DAB1: variants seen among roughly 807,000 people sequenced by gnomAD.
The protein encoded by DAB1 is DAB adaptor protein 1, also known as disabled homolog 1.
DAB1 carries 15 observed loss-of-function variants against 64.6 expected under a neutral mutation model. That is an observed-to-expected ratio of 0.23 (90% CI 0.16 to 0.36). DAB1 has a LOEUF of 0.36. Ranked by LOEUF, DAB1 falls within the 10% of genes least tolerant of loss-of-function variation. The pLI, the probability that DAB1 is intolerant of heterozygous loss-of-function variation, is 1.00. For synonymous variants in DAB1, 235 were observed against 251.9 expected, an observed-to-expected ratio of 0.93 and a Z score of 0.64; for missense variants, 596 against 706.7, an observed-to-expected ratio of 0.84 and a Z score of 1.78.
At chr1:57,575,569 T>A (rs963727733) in intron 7 of DAB1, among the ~76,000 whole-genome samples, 2 of 152,118 alleles carry the variant, frequency 1.3e-5, no homozygotes, top group African/African-American at 4.8e-5. Flanking sequence ...TTCAGAACAG[T>A]TCAATGAAAA....
At chr1:57,184,371 C>T (rs1663309363) in intron 2 of DAB1, among the ~76,000 whole-genome samples, 1 of 152,124 alleles carries the variant, frequency 6.6e-6, no homozygotes, top group Admixed American at 6.5e-5. Context: ...CGTTCTTGCC[C>T]TTCTCAGATT....
At chr1:58,322,983 C>A (rs11589550) in intron 4 of DAB1, among the ~76,000 whole-genome samples, 5 of 151,412 alleles carry the variant, frequency 3.3e-5, no homozygotes, top group Non-Finnish European at 5.9e-5. Flanking sequence ...AGCAAACTAT[C>A]GCAAGGACAG....
intron 1 of DAB1, among the ~76,000 whole-genome samples, chr1:57,393,018 C>A (rs1462027781): frequency 6.6e-6 from 1 of 152,106 alleles, no homozygotes; most frequent in East Asian, 1.9e-4. Context: ...AATGTGTGAC[C>A]TTTTTCAAAA....
intron 4 of DAB1, among the ~76,000 whole-genome samples, chr1:58,331,373 G>A (rs1662964030): frequency 6.6e-6 from 1 of 152,214 alleles, no homozygotes; most frequent in South Asian, 2.1e-4. Context: ...GAACCCTGTG[G>A]AAATGACAAC....
intron 5 of DAB1, chr1:58,048,405 T>C: frequency 2.1e-6 from 2 of 934,402 alleles, no homozygotes; most frequent in Middle Eastern, 6.3e-4. Flanking sequence ...CTGCCAAAGC[T>C]ACCTCCACCT....
At chr1:57,983,902 C>T (rs1047332625) in intron 5 of DAB1, among the ~76,000 whole-genome samples, 4 of 152,096 alleles carry the variant, frequency 2.6e-5, no homozygotes, top group African/African-American at 9.7e-5. Context: ...GCTTGGCGTA[C>T]ATTTTCCCCA....
chr1:58,450,071 T>G (rs1645115748), intron 3 of DAB1, among the ~76,000 whole-genome samples: 1 of 152,206 alleles, frequency 6.6e-6, no homozygotes, highest in Admixed American at 6.5e-5. Flanking sequence ...ATGAGGGGTT[T>G]CTGGTTCCAA....
chr1:57,149,321 T>C (rs115724966), intron 2 of DAB1, among the ~76,000 whole-genome samples: 1,549 of 152,356 alleles, frequency 0.01, 21 homozygotes, highest in African/African-American at 0.036. Flanking sequence ...CTGTATATAT[T>C]CAATTCTCTT....
At chr1:57,709,100 T>C (rs1182764155) in intron 6 of DAB1, among the ~76,000 whole-genome samples, 1 of 152,168 alleles carries the variant, frequency 6.6e-6, no homozygotes, top group Non-Finnish European at 1.5e-5. Context: ...TCTATTCTCT[T>C]TTCCTGAAAA....
intron 2 of DAB1, among the ~76,000 whole-genome samples, chr1:57,249,340 G>A (rs756980688): frequency 2.6e-5 from 4 of 152,092 alleles, no homozygotes; most frequent in Admixed American, 6.6e-5. Flanking sequence ...CTCATAAAGC[G>A]ATCAATCATT....
At chr1:58,056,361 G>A in intron 5 of DAB1, 3 of 1,588,446 alleles carry the variant, frequency 1.9e-6, no homozygotes, top group Non-Finnish European at 2.6e-6. Context: ...TGTTTCGAAT[G>A]ACGAATGTCT....
At chr1:58,247,454 C>G (rs1490501421) in intron 4 of DAB1, among the ~76,000 whole-genome samples, 23 of 152,142 alleles carry the variant, frequency 1.5e-4, no homozygotes, top group Admixed American at 1.5e-3. Context: ...AGCATGTCTG[C>G]TAGGCAAACA....
intron 1 of DAB1, among the ~76,000 whole-genome samples, chr1:57,389,774 C>T (rs964862008): frequency 6.6e-6 from 1 of 152,126 alleles, no homozygotes; most frequent in African/African-American, 2.4e-5. Flanking sequence ...TCTGGCAGGT[C>T]ACTAGCCCTA....
rs1649275908 is a variant in DAB1, at chr1:57,765,613, G to T, written n.552-115948C>A. Among the ~76,000 whole-genome samples, 4 of 152,006 alleles carry T rather than the reference G, an allele frequency of 2.6e-5. No individual in the cohort carries two copies. The South Asian group carries it at 6.2e-4, about 24-fold the overall frequency. ...TCTGCCTTACCAAAGCAGCATTTGT[G>T]AAGGTCACCAGTGACCTCCATGTTG... On this transcript the variant is annotated intron_variant and non_coding_transcript_variant, in intron 6 of 20. Coordinates refer to the DAB1 transcript ENST00000485760.
intron 1 of DAB1, among the ~76,000 whole-genome samples, chr1:57,318,596 G>A (rs1465374898): frequency 6.6e-6 from 1 of 151,940 alleles, no homozygotes; most frequent in Non-Finnish European, 1.5e-5. Flanking sequence ...TGCCTCCCAA[G>A]GGAGATAAAA....
intron 7 of DAB1, among the ~76,000 whole-genome samples, chr1:57,609,914 G>A (rs1042502598): frequency 5.3e-5 from 8 of 151,962 alleles, no homozygotes; most frequent in Non-Finnish European, 7.4e-5. Flanking sequence ...TAACATACTC[G>A]ACAAATAGAA....
In DAB1 at chr1:58,093,211, C is replaced by G. The variant is rs142465299; in HGVS notation, n.387+57300G>C. Reference sequence around the variant, plus strand: ...TGGAGGCCCAGAGCACTGAATCTGACAGCTGGCCATGGGGGCGTAGTGAAT... The same window carrying G: ...TGGAGGCCCAGAGCACTGAATCTGAGAGCTGGCCATGGGGGCGTAGTGAAT... On this transcript the variant is annotated intron_variant and non_coding_transcript_variant, in intron 5 of 20. Coordinates refer to the DAB1 transcript ENST00000485760. 7.9e-3 allele frequency among the ~76,000 whole-genome samples: 1,207 copies of G among 152,292 alleles called. 19 individuals are homozygous for G. The highest frequency in any genetic ancestry group is 0.026 in the African/African-American group (1,064 of 41,564).
intron 5 of DAB1, among the ~76,000 whole-genome samples, chr1:58,053,873 G>T (rs1315825981): frequency 6.6e-6 from 1 of 152,200 alleles, no homozygotes; most frequent in Non-Finnish European, 1.5e-5. Context: ...GATTCCCATG[G>T]TGTCAACCAT....
chr1:57,399,267 C>G (rs530531377), intron 1 of DAB1, among the ~76,000 whole-genome samples: 1 of 152,178 alleles, frequency 6.6e-6, no homozygotes, highest in East Asian at 1.9e-4. Context: ...TCTTATTCTT[C>G]TTTGTTTCCT....
Sources: allele counts gnomAD v4.1 joint callset (sites outside exome capture counted in the v4.1 genomes callset), GRCh38; gene constraint gnomAD v4.1.1; transcripts MANE v1.5; gene names NCBI Gene and HGNC (gene_info 2026-07-23, HGNC 2026-07-21).